DRAM2: variants seen among roughly 807,000 people sequenced by gnomAD.
DRAM2 encodes DNA damage regulated autophagy modulator 2.
Under a neutral mutation model 33.5 loss-of-function variants are expected in DRAM2, and 26 were observed. The observed-to-expected ratio is 0.78, with a 90% confidence interval of 0.57 to 1.08. The LOEUF (loss-of-function observed/expected upper bound fraction) is 1.08. Ranked by LOEUF, DRAM2 falls within the 50% of genes least tolerant of loss-of-function variation. DRAM2 has a pLI of 0.00. For missense variants in DRAM2, 311 were observed against 318.1 expected (o/e 0.98, Z 0.17); for synonymous variants, 98 against 109.5 (o/e 0.89, Z 0.66).
intron 8 of DRAM2, among the ~76,000 whole-genome samples, chr1:111,119,391 A>G (rs1344148600): frequency 6.6e-6 from 1 of 152,016 alleles, no homozygotes; most frequent in Non-Finnish European, 1.5e-5. Flanking sequence ...GTTTGTGAAA[A>G]CAGATGAACT....
At position 111,117,894 on chromosome 1, in the gene DRAM2, A is replaced by C; in HGVS notation, c.*266T>G. 9.3e-6 allele frequency: 4 copies of C among 432,102 alleles called. No individual in the cohort carries two copies. The highest frequency in any genetic ancestry group is 1.7e-5 in the Non-Finnish European group (4 of 239,024). The allele number at this position is 432,102 out of a possible 1,614,324, so 26.8% of individuals were successfully genotyped here. ...GGTTGTTTCTCTTAAATAAGGTATAAAAAACTATGATATCATAGTCTTTTG... is the reference window on the plus strand; with the variant it reads ...GGTTGTTTCTCTTAAATAAGGTATACAAAACTATGATATCATAGTCTTTTG... On this transcript the variant is annotated 3_prime_UTR_variant, in exon 10 of 10. Transcript: ENST00000484310.
intron 4 of DRAM2, chr1:111,127,998 C>A (rs1651355259): frequency 6.6e-6 from 1 of 152,166 alleles, no homozygotes. Context: ...TGGCTAGTCA[C>A]TCCCTTGGGC....
intron 4 of DRAM2, among the ~76,000 whole-genome samples, chr1:111,126,934 C>A (rs926149609): frequency 6.6e-6 from 1 of 152,184 alleles, no homozygotes; most frequent in Non-Finnish European, 1.5e-5. Context: ...AACTCACTTA[C>A]CACACAGCAT....
chr1:111,118,203 G>T lies in DRAM2; in HGVS notation c.758C>A (p.Pro253His). The T allele has an allele frequency of 6.2e-7, 1 of 1,613,128 alleles. No individual in the cohort carries two copies. The highest frequency in any genetic ancestry group is 8.5e-7 in the Non-Finnish European group (1 of 1,179,278). ...TAGCCGTGTTCGTTCATTGTTAATA[G>T]GGCAAGGTGCAGTGTCATAGAGGGT... ...GLTLYDTAPC[P>H]INNERTRLLS... The change falls in exon 10 of 10, where the codon CCT (proline) becomes CAT (histidine). Residue 253 changes from proline to histidine, a missense_variant. Pro to His is a moderately conservative substitution (Grantham distance 77). Coordinates refer to ENST00000484310, the MANE Select transcript of DRAM2 (RefSeq NM_001349884.2).
Position 111,118,221 on chromosome 1 carries a change from T to C in DRAM2, c.740A>G (p.Tyr247Cys), listed in dbSNP as rs370965454. 5 of 1,613,006 alleles carry C rather than the reference T, an allele frequency of 3.1e-6. No individual in the cohort carries two copies. Among genetic ancestry groups the C allele is most frequent in the African/African-American group, 2.7e-5 (2 of 74,872 alleles). ...VEANLHGLTL[Y>C]DTAPCPINNE... ...GTTAATAGGGCAAGGTGCAGTGTCA[T>C]AGAGGGTTAATCCATGTAAATTGGC... The change falls in exon 10 of 10, where the codon TAT (tyrosine) becomes TGT (cysteine). Residue 247 changes from tyrosine to cysteine, a missense_variant. By Grantham distance (194) the Tyr-to-Cys change is radical (BLOSUM62 -2). Coordinates refer to ENST00000484310, the MANE Select transcript of DRAM2 (RefSeq NM_001349884.2).
chr1:111,122,199 C>T (rs1650178817), intron 6 of DRAM2, among the ~76,000 whole-genome samples: 1 of 152,042 alleles, frequency 6.6e-6, no homozygotes, highest in South Asian at 2.1e-4. Flanking sequence ...GAACTTTAAG[C>T]AAGGACACAG....
rs1360713006 is a variant in DRAM2, at chr1:111,137,202, C to T, written c.-15+321G>A. Among the ~76,000 whole-genome samples, 12 of 137,998 alleles carry T rather than the reference C, an allele frequency of 8.7e-5. No individual in the cohort carries two copies. In the East Asian group the frequency reaches 2.1e-3, roughly 24 times the overall value. The allele number at this position is 137,998 out of a possible 152,430, so 90.5% of individuals were successfully genotyped here. A position where few individuals can be genotyped will look rare whatever the true frequency, so the allele number is the denominator to read the frequency against. Reference sequence around the variant, plus strand: ...CCGGGGGGCGGAGCCTGCAGTGAGCCGAGATCGCGCCACTGCACTCCAACC... The same window carrying T: ...CCGGGGGGCGGAGCCTGCAGTGAGCTGAGATCGCGCCACTGCACTCCAACC... On this transcript the variant is annotated intron_variant, in intron 3 of 9. Coordinates refer to ENST00000484310, the MANE Select transcript of DRAM2 (RefSeq NM_001349884.2).
chr1:111,138,802 T>G (rs1653861571), intron 2 of DRAM2, among the ~76,000 whole-genome samples: 1 of 152,096 alleles, frequency 6.6e-6, no homozygotes, highest in Non-Finnish European at 1.5e-5. Flanking sequence ...AAAGAAAAAG[T>G]CTTGCATCTC....
rs1323197351 is a variant in DRAM2 at position 111,120,669 on chromosome 1, C to A, written c.364G>T (p.Val122Leu). 2 of 1,567,704 alleles carry A rather than the reference C, an allele frequency of 1.3e-6. No individual in the cohort carries two copies. The highest frequency in any genetic ancestry group is 1.9e-5 in the Admixed American group (1 of 53,244). ...CCAAAGGTAAGCACAGCTCCACTTA[C>A]ATGTGCAGCAAAAAGGGTTGTTTTC... Reference protein sequence around the residue: ...FQKTTLFAAHVSGAVLTFGMG... With the variant: ...FQKTTLFAAHLSGAVLTFGMG... The change falls in exon 7 of 10, where the codon GTA (valine) becomes TTA (leucine). Residue 122 changes from valine (V) to leucine (L), a missense_variant. Val to Leu is a conservative substitution (Grantham distance 32). Coordinates refer to ENST00000484310, the MANE Select transcript of DRAM2 (RefSeq NM_001349884.2).
chr1:111,119,822 A>T lies in DRAM2; in HGVS notation c.600+55T>A, dbSNP rs376956926. The T allele has an allele frequency of 1.9e-5, 26 of 1,354,258 alleles. No homozygotes were observed. The African/African-American group carries it at 2.6e-4, about 14-fold the overall frequency. 83.9% of individuals were successfully genotyped at this position (1,354,258 alleles called of 1,614,324 possible). On this transcript the variant is annotated intron_variant, in intron 8 of 9. Coordinates refer to ENST00000484310, the MANE Select transcript of DRAM2 (RefSeq NM_001349884.2). ...ATGAAATGAAAAACATATCAAGATC[A>T]ATCAAAATAACCATCTTTAATATAA...
At chr1:111,136,547 T>C (rs750297347) in intron 3 of DRAM2, among the ~76,000 whole-genome samples, 12 of 151,574 alleles carry the variant, frequency 7.9e-5, no homozygotes, top group Admixed American at 6.6e-4. Context: ...ATTGTGCCAC[T>C]GCACTCCAGC....
chr1:111,129,127 T>C (rs1651585512), intron 4 of DRAM2, among the ~76,000 whole-genome samples: 1 of 152,234 alleles, frequency 6.6e-6, no homozygotes, highest in Non-Finnish European at 1.5e-5. Context: ...CCAGATCTTT[T>C]CTTGACATTT....
In DRAM2 at chr1:111,119,875, A is replaced by G; in HGVS notation, c.600+2T>C. 9 of 1,611,774 alleles carry G rather than the reference A, an allele frequency of 5.6e-6. No individual in the cohort carries two copies. The highest frequency in any genetic ancestry group is 7.6e-6 in the Non-Finnish European group (9 of 1,178,230). ...CTAAGTTTATAGACTGTAAGTTCTT[A>G]CTTTGTCCTCGGGGTTCCAATGGAG... is the stretch of plus-strand genomic sequence containing the variant. On this transcript the variant is annotated splice_donor_variant, in intron 8 of 9. Coordinates refer to ENST00000484310, the MANE Select transcript of DRAM2 (RefSeq NM_001349884.2). LOFTEE classifies it high-confidence loss of function.
chr1:111,126,177 T>C (rs1467410956), intron 5 of DRAM2, 50 bp downstream of exon 5: 7 of 1,190,308 alleles, frequency 5.9e-6, no homozygotes, highest in South Asian at 1.2e-5. Context: ...AAGAAGAAAA[T>C]ACTGTAGCAA....
chr1:111,128,357 A>T (rs1651435381), intron 4 of DRAM2, among the ~76,000 whole-genome samples: 1 of 152,092 alleles, frequency 6.6e-6, no homozygotes, highest in African/African-American at 2.4e-5. Context: ...GGTAATACTA[A>T]GTTCATTAGC....
chr1:111,120,764 G>T, intron 6 of DRAM2, 71 bp from the exon 7 acceptor site: 1 of 1,341,244 alleles, frequency 7.5e-7, no homozygotes, highest in Non-Finnish European at 9.9e-7. Context: ...ACATTTAAAA[G>T]CACAACCCAG....
chr1:111,125,928 C>T (rs955634660), intron 5 of DRAM2, among the ~76,000 whole-genome samples: 3 of 152,170 alleles, frequency 2.0e-5, no homozygotes, highest in African/African-American at 7.2e-5. Context: ...TTGTTCCTTA[C>T]TGGTTGCTTA....
rs775215090 is a variant in DRAM2, at chr1:111,131,579, G to A, written c.-14-11C>T. 6.2e-7 allele frequency: 1 copy of A among 1,612,988 alleles called. No individual in the cohort carries two copies. The highest frequency in any genetic ancestry group is 8.5e-7 in the Non-Finnish European group (1 of 1,179,620). On this transcript the variant is annotated splice_polypyrimidine_tract_variant and intron_variant, in intron 3 of 9. Coordinates refer to ENST00000484310, the MANE Select transcript of DRAM2 (RefSeq NM_001349884.2). ...TTTCTAACAGGTTTTCTGAAATAGA[G>A]AAAACATATTAGAAAAGATAATTCA...
chr1:111,124,686 TAA>T, intron 6 of DRAM2, 54 bp downstream of exon 6: 1 of 1,568,566 alleles, frequency 6.4e-7, no homozygotes, highest in Non-Finnish European at 8.7e-7. Context: ...GTTTCCCTTT[TAA>T]TATATATATT....
Sources: gnomAD v4.1 joint callset for allele counts (sites outside exome capture counted in the v4.1 genomes callset) on GRCh38, gnomAD v4.1.1 for gene constraint, MANE v1.5 for transcripts, NCBI Gene and HGNC (gene_info 2026-07-23, HGNC 2026-07-21) for gene names.